CDKL5: variants seen among roughly 807,000 people sequenced by gnomAD.
The protein encoded by CDKL5 is cyclin dependent kinase like 5.
A neutral mutation model predicts 61.7 loss-of-function variants in CDKL5; 8 were observed. That is an observed-to-expected ratio of 0.13 (90% CI 0.08 to 0.23). The LOEUF (loss-of-function observed/expected upper bound fraction) is 0.23, where lower values mean the gene tolerates loss of function less well. Among genes scored for constraint, CDKL5 ranks in the 10% least tolerant of loss-of-function variants. CDKL5 has a pLI of 1.00. For synonymous variants in CDKL5, 275 were observed against 272.3 expected, an observed-to-expected ratio of 1.01 and a Z score of -0.10; for missense variants, 440 against 734.5, an observed-to-expected ratio of 0.60 and a Z score of 4.63.
intron 12 of CDKL5, among the ~76,000 whole-genome samples, chrX:18,607,866 A>G (rs948443399): frequency 8.9e-5 from 10 of 112,107 alleles, no homozygotes; most frequent in African/African-American, 2.6e-4. Flanking sequence ...AAGGAAGGCT[A>G]TGTTGGATGA....
intron 4 of CDKL5, among the ~76,000 whole-genome samples, chrX:18,567,746 A>G (rs1925015420): frequency 9.0e-6 from 1 of 111,474 alleles, no homozygotes; most frequent in African/African-American, 3.3e-5. Flanking sequence ...TTAGCCAGGC[A>G]TGGTGGTGTG....
At chrX:18,509,052 A>T (rs1463325378) in intron 2 of CDKL5, among the ~76,000 whole-genome samples, 1 of 106,550 alleles carries the variant, frequency 9.4e-6, no homozygotes, top group Non-Finnish European at 1.9e-5. Flanking sequence ...AGCTTGTGCC[A>T]CTGCACTCCA....
intron 1 of CDKL5, among the ~76,000 whole-genome samples, chrX:18,467,456 C>CAAA (rs34943630): frequency 3.6e-5 from 4 of 111,850 alleles, no homozygotes; most frequent in African/African-American, 1.3e-4. Flanking sequence ...TAAGTTCCCT[C>CAAA]AAAAACCCTA....
intron 3 of CDKL5, among the ~76,000 whole-genome samples, chrX:18,541,360 TCCC>T (rs1369895168): frequency 8.9e-6 from 1 of 112,216 alleles, no homozygotes; most frequent in Non-Finnish European, 1.9e-5. Context: ...TGTTCATTTT[TCCC>T]CCATCTGTTT....
chrX:18,459,698 CTTTTTTTTTTTTTT>C (rs756249968), intron 1 of CDKL5, among the ~76,000 whole-genome samples: 5 of 53,571 alleles, frequency 9.3e-5, no homozygotes, highest in Non-Finnish European at 1.7e-4. Context: ...AGCTTTCTTT[CTTTTTTTTTTTTTT>C]TTTTTTTTTT....
chrX:18,430,044 T>G (rs1931449338), intron 1 of CDKL5, among the ~76,000 whole-genome samples: 1 of 111,994 alleles, frequency 8.9e-6, no homozygotes, highest in Non-Finnish European at 1.9e-5. Context: ...CTGCTGGACC[T>G]TTAGTCACAT....
chrX:18,644,695 G>A, downstream of CDKL5: 2 of 1,071,702 alleles, frequency 1.9e-6, no homozygotes, highest in Non-Finnish European at 1.3e-6. Flanking sequence ...GCAGGTGCTG[G>A]CTCTCGAGGG....
At chrX:18,522,699 ATTT>A (rs908625039) in intron 3 of CDKL5, among the ~76,000 whole-genome samples, 2 of 107,775 alleles carry the variant, frequency 1.9e-5, no homozygotes, top group African/African-American at 3.4e-5. Flanking sequence ...TTTTTTAAAG[ATTT>A]TTTTAAGCTA....
At chrX:18,483,253 T>C (rs1418564558) in intron 1 of CDKL5, among the ~76,000 whole-genome samples, 1 of 111,694 alleles carries the variant, frequency 9.0e-6, no homozygotes, top group Non-Finnish European at 1.9e-5. Context: ...TATCAGTTCT[T>C]CTTAATGAAT....
At chrX:18,542,488 T>C (rs1924058289) in intron 3 of CDKL5, among the ~76,000 whole-genome samples, 1 of 102,821 alleles carries the variant, frequency 9.7e-6, no homozygotes, top group Admixed American at 1.0e-4. Context: ...GTTGGGGCTC[T>C]TTGTCTGTGC....
At chrX:18,588,241 A>G (rs1925707832) in intron 9 of CDKL5, 98 bp downstream of exon 9, 2 of 680,041 alleles carry the variant, frequency 2.9e-6, no homozygotes, top group Non-Finnish European at 4.8e-6. Flanking sequence ...TTTGAATACT[A>G]TTTCTTTTCC....
At position 18,629,220 on chromosome X, in the gene CDKL5, G is replaced by A; in HGVS notation, c.*463G>A. The A allele has an allele frequency of 1.3e-6, 1 of 752,766 alleles. No homozygotes were observed. Among genetic ancestry groups the A allele is most frequent in the South Asian group, 6.7e-5 (1 of 14,844 alleles). 62.0% of individuals were successfully genotyped at this position (752,766 alleles called of 1,213,427 possible). A position where few individuals can be genotyped will look rare whatever the true frequency, so the allele number is the denominator to read the frequency against. ...TAATCCAAGAGTATCCCTTTGAAGG[G>A]TTAGCAGATGAACTGTATGTCTTAA... On this transcript the variant is annotated 3_prime_UTR_variant, in exon 18 of 18. Transcript: ENST00000623535.
chrX:18,589,662 T>C (rs768725577), intron 9 of CDKL5: 3 of 112,079 alleles, frequency 2.7e-5, no homozygotes, highest in Admixed American at 9.5e-5. Context: ...GGTAATGGGA[T>C]GGCTGGGTCA....
chrX:18,474,265 A>G (rs921951186), intron 1 of CDKL5, among the ~76,000 whole-genome samples: 2 of 111,564 alleles, frequency 1.8e-5, no homozygotes, highest in African/African-American at 6.5e-5. Flanking sequence ...TTTTTACAAG[A>G]CCGTGAGGAG....
intron 8 of CDKL5, among the ~76,000 whole-genome samples, chrX:18,587,404 TA>T (rs1925675291): frequency 9.0e-6 from 1 of 111,626 alleles, no homozygotes. Context: ...TATATTCAAA[TA>T]AATAATATAG....
chrX:18,652,585 C>T (rs942421006), intron 21 of CDKL5, among the ~76,000 whole-genome samples: 1 of 111,422 alleles, frequency 9.0e-6, no homozygotes, highest in African/African-American at 3.3e-5. Context: ...AGGAGAATCG[C>T]TTGAACCCAG....
chrX:18,470,439 C>T (rs1689011362), intron 1 of CDKL5, among the ~76,000 whole-genome samples: 1 of 106,555 alleles, frequency 9.4e-6, no homozygotes, highest in African/African-American at 3.4e-5. Flanking sequence ...AACATTTTAG[C>T]TTAATAGTAA....
In CDKL5 at chrX:18,632,100, C is replaced by T. The variant is rs952466820; in HGVS notation, c.*3343C>T. ...ACTACTAGTGCTGAGGTTGAGAAAC[C>T]CTGCCCTACACCATCCCAAGCCCAC... On this transcript the variant is annotated 3_prime_UTR_variant, in exon 18 of 18. Coordinates refer to ENST00000623535, the MANE Select transcript of CDKL5 (RefSeq NM_001323289.2). The T allele has an allele frequency of 1.3e-6, 1 of 750,420 alleles. No individual in the cohort carries two copies. The highest frequency in any genetic ancestry group is 1.6e-6 in the Non-Finnish European group (1 of 637,055). The allele number at this position is 750,420 out of a possible 1,213,427, so 61.8% of individuals were successfully genotyped here.
chrX:18,461,134 G>GT (rs1477940800), intron 1 of CDKL5, among the ~76,000 whole-genome samples: 1 of 111,784 alleles, frequency 8.9e-6, no homozygotes, highest in African/African-American at 3.3e-5. Flanking sequence ...TTAGATTCCT[G>GT]TTTTTTGGCT....
Sources: allele counts gnomAD v4.1 joint callset (sites outside exome capture counted in the v4.1 genomes callset), GRCh38; gene constraint gnomAD v4.1.1; transcripts MANE v1.5; gene names NCBI Gene and HGNC (gene_info 2026-07-23, HGNC 2026-07-21).